Variants in ATF2 observed in about 807,000 individuals in gnomAD.
ATF2 encodes cyclic AMP-dependent transcription factor ATF-2.
A neutral mutation model predicts 60.6 loss-of-function variants in ATF2; 24 were observed. The ratio of observed to expected loss-of-function variants is 0.40; its 90% confidence interval spans 0.29 to 0.56. The LOEUF (loss-of-function observed/expected upper bound fraction) is 0.56, where lower values mean the gene tolerates loss of function less well. Among genes scored for constraint, ATF2 ranks in the 20% least tolerant of loss-of-function variants. The probability of loss-of-function intolerance (pLI) is 0.54; values close to 1 mark genes in which losing one functional copy is unlikely to be tolerated. For missense variants in ATF2, 433 were observed against 607.7 expected (o/e 0.71, Z 3.02); for synonymous variants, 206 against 215.4 (o/e 0.96, Z 0.38).
intron 12 of ATF2, among the ~76,000 whole-genome samples, chr2:175,082,388 C>T (rs1456585298): frequency 6.6e-6 from 1 of 152,166 alleles, no homozygotes; most frequent in Non-Finnish European, 1.5e-5. Flanking sequence ...TTAGGAAACA[C>T]CTTCTCCAAC....
intron 13 of ATF2, among the ~76,000 whole-genome samples, chr2:175,078,885 A>G (rs901742489): frequency 5.9e-5 from 9 of 152,150 alleles, no homozygotes; most frequent in African/African-American, 2.2e-4. Flanking sequence ...TACAAAATCC[A>G]ATTATCTCCC....
At chr2:175,142,663 T>TA (rs1308277784) in intron 2 of ATF2, among the ~76,000 whole-genome samples, 1 of 150,756 alleles carries the variant, frequency 6.6e-6, no homozygotes, top group African/African-American at 2.4e-5. Flanking sequence ...TACATAATTC[T>TA]AAAAAACCCT....
chr2:175,162,315 C>T (rs2105368589), intron 1 of ATF2, among the ~76,000 whole-genome samples: 1 of 152,234 alleles, frequency 6.6e-6, no homozygotes, highest in South Asian at 2.1e-4. Context: ...CAACTTATTC[C>T]CAGAAATAAT....
intron 2 of ATF2, among the ~76,000 whole-genome samples, chr2:175,139,176 G>A (rs932508431): frequency 3.3e-5 from 5 of 152,076 alleles, no homozygotes; most frequent in South Asian, 2.1e-4. Context: ...TCTATTCATC[G>A]TTGTATCTGC....
chr2:175,102,733 G>A (rs1337314859), intron 10 of ATF2, among the ~76,000 whole-genome samples: 2 of 149,518 alleles, frequency 1.3e-5, no homozygotes, highest in Non-Finnish European at 1.5e-5. Flanking sequence ...CTGGGTAACA[G>A]AGCAAGACCC....
Position 175,097,485 on chromosome 2 carries a change from G to T in ATF2, c.937C>A (p.Gln313Lys). The T allele has an allele frequency of 6.2e-7, 1 of 1,614,130 alleles. No homozygotes were observed. Reference protein sequence around the residue: ...VRTQSEESRPQSLQQPATSTT... With the variant: ...VRTQSEESRPKSLQQPATSTT... ...GATGTGGCTGGCTGTTGTAATGACT[G>T]CGGTCGAGATTCCTCTGACTGAGTC... is the stretch of plus-strand genomic sequence containing the variant. Residue 313 changes from glutamine (Q) to lysine (K), a missense_variant, in exon 11 of 14, where the codon CAG becomes AAG. Transcript: ENST00000264110.
chr2:175,152,258 A>T (rs565390328), intron 1 of ATF2, among the ~76,000 whole-genome samples: 35 of 152,182 alleles, frequency 2.3e-4, no homozygotes, highest in Non-Finnish European at 4.0e-4. Flanking sequence ...TAACATTCAT[A>T]AGGACTTCTT....
chr2:175,118,520 G>T, intron 5 of ATF2, 151 bp from the exon 6 acceptor site: 1 of 634,652 alleles, frequency 1.6e-6, no homozygotes, highest in Non-Finnish European at 2.5e-6. Flanking sequence ...AACAAAATTT[G>T]GTTAAATTTT....
chr2:175,137,917 T>C (rs1484784594), intron 2 of ATF2, among the ~76,000 whole-genome samples: 1 of 152,174 alleles, frequency 6.6e-6, no homozygotes, highest in Non-Finnish European at 1.5e-5. Flanking sequence ...TCTGGGAGGC[T>C]TAAATGCTAT....
chr2:175,166,098 A>T (rs1700332985), intron 1 of ATF2, among the ~76,000 whole-genome samples: 1 of 152,244 alleles, frequency 6.6e-6, no homozygotes, highest in Non-Finnish European at 1.5e-5. Context: ...GATATTTTAA[A>T]AAGGATTTTC....
chr2:175,124,070 T>C (rs1051802129), intron 4 of ATF2, among the ~76,000 whole-genome samples: 5 of 52,414 alleles, frequency 9.5e-5, no homozygotes, highest in African/African-American at 3.0e-4. Flanking sequence ...ATATGAAATG[T>C]CTTCCCAGTC....
intron 4 of ATF2, among the ~76,000 whole-genome samples, 161 bp from the exon 5 acceptor site, chr2:175,121,701 T>C (rs1696966457): frequency 6.6e-6 from 1 of 151,470 alleles, no homozygotes; most frequent in African/African-American, 2.4e-5. Flanking sequence ...GATAGCACAC[T>C]AGATTGCAAA....
intron 4 of ATF2, among the ~76,000 whole-genome samples, chr2:175,129,400 T>G (rs933200665): frequency 1.3e-5 from 2 of 152,108 alleles, no homozygotes; most frequent in African/African-American, 4.8e-5. Flanking sequence ...AGTATACGTG[T>G]GTTAAAACTT....
At position 175,130,026 on chromosome 2, in the gene ATF2, C is replaced by T. The variant is rs1013845364; in HGVS notation, c.102+112G>A. On this transcript the variant is annotated intron_variant, in intron 4 of 13. Coordinates refer to ENST00000264110, the MANE Select transcript of ATF2 (RefSeq NM_001880.4). ...TCCTGGGTTTTTTTTCATCCTAACT[C>T]TAAAATTTTACAGAATACTGTAAGA... is the stretch of plus-strand genomic sequence containing the variant. 35 of 866,692 alleles carry T rather than the reference C, an allele frequency of 4.0e-5. No individual in the cohort carries two copies. The East Asian group carries it at 1.2e-3, about 29-fold the overall frequency. 53.7% of individuals were successfully genotyped at this position (866,692 alleles called of 1,614,324 possible). A position where few individuals can be genotyped will look rare whatever the true frequency, so the allele number is the denominator to read the frequency against.
At chr2:175,131,645 G>T (rs923664689) in intron 3 of ATF2, among the ~76,000 whole-genome samples, 1 of 152,144 alleles carries the variant, frequency 6.6e-6, no homozygotes, top group African/African-American at 2.4e-5. Context: ...CTTCTTAAAT[G>T]TTTACAAACT....
intron 5 of ATF2, among the ~76,000 whole-genome samples, chr2:175,121,170 G>A (rs1355704197): frequency 6.6e-6 from 1 of 151,768 alleles, no homozygotes; most frequent in Non-Finnish European, 1.5e-5. Context: ...TTAGTTAAAT[G>A]TAAAATTTGT....
Position 175,073,469 on chromosome 2 carries a change from A to ACG in ATF2, c.*1138_*1139dup, listed in dbSNP as rs1197676524. On this transcript the variant is annotated 3_prime_UTR_variant, in exon 14 of 14. Transcript: ENST00000264110. ...ATAAACTATTAAAAGACACACACAC[A>ACG]CGCGCACACACACACAGATACACAC... is the stretch of plus-strand genomic sequence containing the variant. 2.6e-5 allele frequency: 4 copies of ACG among 152,068 alleles called. No individual in the cohort carries two copies. Among genetic ancestry groups the ACG allele is most frequent in the East Asian group, 3.9e-4 (2 of 5,188 alleles). The allele number at this position is 152,068 out of a possible 1,614,324, so 9.4% of individuals were successfully genotyped here.
rs1693087710 is a variant in ATF2 at position 175,073,663 on chromosome 2, A to G, written c.*946T>C. 6.6e-6 allele frequency: 1 copy of G among 152,112 alleles called. No homozygotes were observed. Among genetic ancestry groups the G allele is most frequent in the Admixed American group, 6.6e-5 (1 of 15,242 alleles). The allele number at this position is 152,112 out of a possible 1,614,324, so 9.4% of individuals were successfully genotyped here. A position where few individuals can be genotyped will look rare whatever the true frequency, so the allele number is the denominator to read the frequency against. On this transcript the variant is annotated 3_prime_UTR_variant, in exon 14 of 14. Transcript: ENST00000264110. ...CTCGCAAGTACAAGACAATGGGGGTAAACAGTCTTAAATTTTCTAAGTAGT... is the reference window on the plus strand; with the variant it reads ...CTCGCAAGTACAAGACAATGGGGGTGAACAGTCTTAAATTTTCTAAGTAGT...
chr2:175,139,147 T>C (rs955954272), intron 2 of ATF2, among the ~76,000 whole-genome samples: 1 of 152,220 alleles, frequency 6.6e-6, no homozygotes, highest in Middle Eastern at 3.2e-3. Flanking sequence ...TCTACTGTTA[T>C]TAAAATTATA....
Sources: allele counts gnomAD v4.1 joint callset (sites outside exome capture counted in the v4.1 genomes callset), GRCh38; gene constraint gnomAD v4.1.1; transcripts MANE v1.5; gene names NCBI Gene and HGNC (gene_info 2026-07-23, HGNC 2026-07-21).